CTNNA3: variants seen among roughly 807,000 people sequenced by gnomAD.
The protein encoded by CTNNA3 is catenin alpha-3.
A neutral mutation model predicts 95.7 loss-of-function variants in CTNNA3; 76 were observed. That is an observed-to-expected ratio of 0.79 (90% confidence interval 0.66 to 0.96). The LOEUF (loss-of-function observed/expected upper bound fraction) is 0.96. CTNNA3 is among the 40% of genes least tolerant of loss of function. CTNNA3 has a pLI of 0.00. For missense variants in CTNNA3, 1,191 were observed against 1,089.8 expected (o/e 1.09, Z -1.31); for synonymous variants, 431 against 374.4 (o/e 1.15, Z -1.74).
chr10:66,822,014 TAAC>T (rs1206790580), intron 7 of CTNNA3, among the ~76,000 whole-genome samples: 3 of 151,434 alleles, frequency 2.0e-5, no homozygotes, highest in Admixed American at 1.3e-4. Context: ...ACTATGTAAT[TAAC>T]AACATCATTA....
chr10:66,076,229 A>G (rs538054503), intron 14 of CTNNA3, among the ~76,000 whole-genome samples: 55 of 151,850 alleles, frequency 3.6e-4, no homozygotes, highest in African/African-American at 1.3e-3. Flanking sequence ...CATTTGGGAA[A>G]TAGATGTATT....
At chr10:67,283,840 G>A (rs1238441265) in intron 5 of CTNNA3, among the ~76,000 whole-genome samples, 2 of 152,084 alleles carry the variant, frequency 1.3e-5, no homozygotes, top group Admixed American at 6.6e-5. Context: ...GTTTGGACTC[G>A]CCACCACTAA....
In CTNNA3 at chr10:66,413,039, G is replaced by C. The variant is rs567771389; in HGVS notation, c.1532-33687C>G. ...AATATAAGTAACATGTTGAGGAAATGCTAATAATTCAGAGTAGCAGGTCAC... is the reference window on the plus strand; with the variant it reads ...AATATAAGTAACATGTTGAGGAAATCCTAATAATTCAGAGTAGCAGGTCAC... On this transcript the variant is annotated intron_variant, in intron 11 of 17. Coordinates refer to ENST00000433211, the MANE Select transcript of CTNNA3 (RefSeq NM_013266.4). Among the ~76,000 whole-genome samples, 27 of 152,248 alleles carry C rather than the reference G, an allele frequency of 1.8e-4. No homozygotes were observed. The South Asian group carries it at 5.4e-3, about 30-fold the overall frequency.
At chr10:66,126,913 A>C (rs1294232504) in intron 13 of CTNNA3, among the ~76,000 whole-genome samples, 1 of 152,152 alleles carries the variant, frequency 6.6e-6, no homozygotes, top group Non-Finnish European at 1.5e-5. Flanking sequence ...AGGAGCGGAA[A>C]ATAACTTCCA....
At chr10:67,355,198 A>G (rs1273093965) in intron 5 of CTNNA3, among the ~76,000 whole-genome samples, 2 of 152,028 alleles carry the variant, frequency 1.3e-5, no homozygotes, top group Admixed American at 6.6e-5. Flanking sequence ...AAACAGAAAG[A>G]AATTAAACTT....
At chr10:66,699,777 GC>G (rs1189281013) in intron 9 of CTNNA3, among the ~76,000 whole-genome samples, 8 of 151,550 alleles carry the variant, frequency 5.3e-5, no homozygotes, top group African/African-American at 1.7e-4. Flanking sequence ...TCCTGCCTCA[GC>G]CCCCCGAGTA....
At chr10:66,579,139 G>C (rs989138845) in intron 10 of CTNNA3, among the ~76,000 whole-genome samples, 15 of 151,594 alleles carry the variant, frequency 9.9e-5, no homozygotes, top group Non-Finnish European at 1.8e-4. Flanking sequence ...GTTCATAATA[G>C]TCTCTGAGGA....
chr10:66,918,545 T>TA (rs1230029485), intron 7 of CTNNA3, among the ~76,000 whole-genome samples: 1 of 152,188 alleles, frequency 6.6e-6, no homozygotes, highest in Non-Finnish European at 1.5e-5. Context: ...ATGTGCAAGT[T>TA]AAAGCCTACA....
At chr10:66,829,850 G>C (rs1279392838) in intron 7 of CTNNA3, among the ~76,000 whole-genome samples, 2 of 52,750 alleles carry the variant, frequency 3.8e-5, no homozygotes, top group Non-Finnish European at 8.8e-5. Context: ...AGCTCCCCAG[G>C]GGATTTGTTG....
intron 6 of CTNNA3, among the ~76,000 whole-genome samples, chr10:67,188,843 G>A (rs1862986865): frequency 1.3e-5 from 2 of 152,066 alleles, no homozygotes; most frequent in Admixed American, 6.6e-5. Flanking sequence ...GGTGCAACGA[G>A]TCATGCCTAT....
At chr10:66,162,974 G>A (rs1469957575) in intron 13 of CTNNA3, among the ~76,000 whole-genome samples, 1 of 152,038 alleles carries the variant, frequency 6.6e-6, no homozygotes, top group African/African-American at 2.4e-5. Flanking sequence ...AGTCATGCAG[G>A]TTGTCAGGGA....
intron 13 of CTNNA3, among the ~76,000 whole-genome samples, chr10:66,257,075 G>A (rs145051833): frequency 4.6e-5 from 7 of 152,264 alleles, no homozygotes; most frequent in East Asian, 3.9e-4. Context: ...GAATGGGGAC[G>A]AGGGCAATGC....
Position 67,743,999 on chromosome 10 carries a change from A to C in CTNNA3, c.-2+19435T>G, listed in dbSNP as rs192696398. On this transcript the variant is annotated intron_variant, in intron 1 of 17. Coordinates refer to the CTNNA3 transcript ENST00000684154. Reference sequence around the variant, plus strand: ...TACAAACTACTGCTCAATGAAATAAAAGAGGATACAAACAAATGGAAGAAC... The same window carrying C: ...TACAAACTACTGCTCAATGAAATAACAGAGGATACAAACAAATGGAAGAAC... Among the ~76,000 whole-genome samples, 126 of 151,462 alleles carry C rather than the reference A, an allele frequency of 8.3e-4. 1 individual carries two copies. Among genetic ancestry groups the C allele is most frequent in the African/African-American group, 2.8e-3 (117 of 41,438 alleles).
chr10:67,694,772 A>G (rs1028110515), intron 1 of CTNNA3, among the ~76,000 whole-genome samples: 6 of 152,170 alleles, frequency 3.9e-5, no homozygotes, highest in Non-Finnish European at 7.4e-5. Flanking sequence ...AAAAAAGACT[A>G]GAAGGAAACA....
At chr10:66,730,985 A>C (rs1848941946) in intron 9 of CTNNA3, among the ~76,000 whole-genome samples, 1 of 152,232 alleles carries the variant, frequency 6.6e-6, no homozygotes, top group African/African-American at 2.4e-5. Context: ...AATATTTTAT[A>C]AAATTTAAGT....
chr10:65,923,115 G>A (rs1435667788), intron 17 of CTNNA3, among the ~76,000 whole-genome samples: 1 of 152,154 alleles, frequency 6.6e-6, no homozygotes, highest in East Asian at 1.9e-4. Flanking sequence ...TGAGATTTGG[G>A]TGGGGACACA....
intron 8 of CTNNA3, among the ~76,000 whole-genome samples, chr10:66,766,888 A>G (rs921330767): frequency 3.9e-5 from 6 of 152,238 alleles, no homozygotes; most frequent in African/African-American, 1.4e-4. Flanking sequence ...CGATTATGCC[A>G]GTTGATAACA....
At chr10:67,558,704 G>T (rs188970753) in intron 3 of CTNNA3, among the ~76,000 whole-genome samples, 3 of 152,234 alleles carry the variant, frequency 2.0e-5, no homozygotes, top group African/African-American at 4.8e-5. Context: ...CTCGAGAAGC[G>T]CAAGGGGTCA....
intron 9 of CTNNA3, among the ~76,000 whole-genome samples, chr10:66,671,411 A>G (rs1846657259): frequency 6.6e-6 from 1 of 152,140 alleles, no homozygotes; most frequent in Admixed American, 6.6e-5. Flanking sequence ...AGAGAAAACC[A>G]ATTTTTAAAA....
Sources: allele counts gnomAD v4.1 joint callset (sites outside exome capture counted in the v4.1 genomes callset), GRCh38; gene constraint gnomAD v4.1.1; transcripts MANE v1.5; gene names NCBI Gene and HGNC (gene_info 2026-07-23, HGNC 2026-07-21).